The following RAD50 variants were observed in gnomAD, a reference collection of about 807,000 sequenced individuals.
The protein encoded by RAD50 is RAD50 double strand break repair protein.
Under a neutral mutation model 168.8 loss-of-function variants are expected in RAD50, and 132 were observed. The observed-to-expected ratio is 0.78, with a 90% CI of 0.68 to 0.90. The LOEUF (loss-of-function observed/expected upper bound fraction) is 0.90. RAD50 is among the 40% of genes least tolerant of loss of function. The pLI, the probability that RAD50 is intolerant of heterozygous loss-of-function variation, is 0.00. For synonymous variants in RAD50, 525 were observed against 497.4 expected (o/e 1.06, Z -0.74); for missense variants, 1,347 against 1,534.4 (o/e 0.88, Z 2.04).
intron 22 of RAD50, among the ~76,000 whole-genome samples, chr5:132,637,529 CTT>C (rs377716981): frequency 0.29 from 42,254 of 143,974 alleles, 7,100 homozygotes; most frequent in African/African-American, 0.48. Flanking sequence ...TTTTCTTTTT[CTT>C]TTTTTTTTTT....
Position 132,643,872 on chromosome 5 carries a change from A to G in RAD50, c.*1508A>G, listed in dbSNP as rs770256306. 4.3e-6 allele frequency: 1 copy of G among 231,622 alleles called. No individual in the cohort carries two copies. Among genetic ancestry groups the G allele is most frequent in the Non-Finnish European group, 8.5e-6 (1 of 117,162 alleles). The allele number at this position is 231,622 out of a possible 1,614,324, so 14.3% of individuals were successfully genotyped here. A position where few individuals can be genotyped will look rare whatever the true frequency, so the allele number is the denominator to read the frequency against. ...AAAATCTGTTGATAAATCCATCACT[A>G]TAATAAAACCGAAGGTGAAAAAAAT... On this transcript the variant is annotated 3_prime_UTR_variant, in exon 25 of 25. Transcript: ENST00000378823.
intron 24 of RAD50, among the ~76,000 whole-genome samples, 157 bp from the exon 25 acceptor site, chr5:132,642,021 C>T (rs1751732861): frequency 6.6e-6 from 1 of 152,206 alleles, no homozygotes; most frequent in Non-Finnish European, 1.5e-5. Context: ...CCTGGCTGGC[C>T]TGAAGGCCTG....
In RAD50 at chr5:132,642,102, G is replaced by A; in HGVS notation, c.3753-76G>A. 3 of 1,467,264 alleles carry A rather than the reference G, an allele frequency of 2.0e-6. No homozygotes were observed. The South Asian group carries it at 3.4e-5, about 17-fold the overall frequency. 90.9% of individuals were successfully genotyped at this position (1,467,264 alleles called of 1,614,324 possible). ...CAGCACAAGTTCATGTGTCTGACAAGGTTTGCGGTGACTTTTCAAATCAAA... is the reference window on the plus strand; with the variant it reads ...CAGCACAAGTTCATGTGTCTGACAAAGTTTGCGGTGACTTTTCAAATCAAA... On this transcript the variant is annotated intron_variant, in intron 24 of 24. Coordinates refer to ENST00000378823, the MANE Select transcript of RAD50 (RefSeq NM_005732.4).
chr5:132,586,156 T>G (rs914084269), intron 5 of RAD50, among the ~76,000 whole-genome samples: 3 of 150,662 alleles, frequency 2.0e-5, no homozygotes, highest in Non-Finnish European at 4.4e-5. Flanking sequence ...TTCAGAATCT[T>G]AATATGATAT....
Position 132,559,302 on chromosome 5 carries a change from A to C in RAD50, c.148A>C (p.Lys50Gln), listed in dbSNP as rs876658371. 8 of 1,606,520 alleles carry C rather than the reference A, an allele frequency of 5.0e-6. No homozygotes were observed. Among genetic ancestry groups the C allele is most frequent in the Non-Finnish European group, 6.8e-6 (8 of 1,176,444 alleles). ...AGKTTIIECLKYICTGDFPPG... is the reference protein window; with the variant it reads ...AGKTTIIECLQYICTGDFPPG... ...TCTTTAGACCATCATTGAATGTCTA[A>C]AATATATTTGTACTGGAGATTTCCC... Residue 50 changes from lysine to glutamine, a missense_variant, in exon 2 of 25, where the codon AAA (lysine) becomes CAA (glutamine). Physicochemically the swap from Lys to Gln is moderately conservative, Grantham distance 53. Around this residue, in one of 3 missense-constraint regions of RAD50, gnomAD observed 703 missense variants for 767.7 expected, o/e 0.92. Transcript: ENST00000378823.
At chr5:132,593,468 C>G (rs1454742387) in intron 11 of RAD50, 1 of 152,112 alleles carries the variant, frequency 6.6e-6, no homozygotes, top group African/African-American at 2.4e-5. Flanking sequence ...TAATTTAGGC[C>G]TCTTGTCCCT....
rs587781732 is a variant in RAD50 at position 132,604,967 on chromosome 5, A to G, written c.2686A>G (p.Thr896Ala). Reference protein sequence around the residue: ...QLEEQTVELSTEVQSLYREIK... With the variant: ...QLEEQTVELSAEVQSLYREIK... ...GGAGGAGCAGACTGTGGAATTATCC[A>G]CTGAAGTTCAGTCTTTGTACAGAGA... Residue 896 changes from threonine to alanine, a missense_variant, in exon 16 of 25, where the codon ACT (threonine) becomes GCT (alanine). Transcript: ENST00000378823. 4 of 1,613,726 alleles carry G rather than the reference A, an allele frequency of 2.5e-6. No individual in the cohort carries two copies. The East Asian group carries it at 6.7e-5, about 27-fold the overall frequency.
intron 5 of RAD50, among the ~76,000 whole-genome samples, chr5:132,580,303 C>CT (rs954056419): frequency 1.3e-5 from 2 of 151,908 alleles, no homozygotes; most frequent in African/African-American, 2.4e-5. Context: ...ATAGGTAGTC[C>CT]TTTTTTTGCT....
intron 3 of RAD50, 75 bp downstream of exon 3, chr5:132,576,003 A>G (rs1231641153): frequency 1.4e-6 from 2 of 1,405,080 alleles, no homozygotes; most frequent in Non-Finnish European, 1.9e-6. Context: ...GTTGTTTTCT[A>G]CTATAAGTTT....
intron 11 of RAD50, chr5:132,592,698 CT>C (rs1750725092): frequency 2.6e-6 from 1 of 388,546 alleles, no homozygotes; most frequent in South Asian, 1.9e-5. Flanking sequence ...ATCTGGTCTG[CT>C]TTTGCTTTGA....
At chr5:132,631,035 T>C (rs985190299) in intron 21 of RAD50, 1 of 152,100 alleles carries the variant, frequency 6.6e-6, no homozygotes, top group East Asian at 1.9e-4. Flanking sequence ...TTTAATGAAA[T>C]CTTTCAGACT....
intron 2 of RAD50, among the ~76,000 whole-genome samples, chr5:132,567,335 A>G (rs181722291): frequency 4.6e-5 from 7 of 152,348 alleles, no homozygotes; most frequent in Non-Finnish European, 1.0e-4. Context: ...ATGCAGGGCT[A>G]TATTCTTTGA....
At chr5:132,585,079 C>T (rs1750572527) in intron 5 of RAD50, among the ~76,000 whole-genome samples, 2 of 152,068 alleles carry the variant, frequency 1.3e-5, no homozygotes, top group African/African-American at 4.8e-5. Flanking sequence ...GCACATGTAC[C>T]CTCGAACTTA....
In RAD50 at chr5:132,642,286, C is replaced by T. The variant is rs368356436; in HGVS notation, c.3861C>T (p.Tyr1287=). Residue 1287 remains tyrosine (Y), a synonymous_variant, in exon 25 of 25, where the codon TAC becomes TAT. Transcript: ENST00000378823. ...GTTCTGAATATGTGGAGAAATTCTA[C>T]AGGATTAAAAAGAACATCGATCAGT... ...LGRSEYVEKF[Y]RIKKNIDQCS... 367 of 1,613,774 alleles carry T rather than the reference C, an allele frequency of 2.3e-4. No homozygotes were observed. Among genetic ancestry groups the T allele is most frequent in the Non-Finnish European group, 2.9e-4 (337 of 1,179,846 alleles).
At position 132,619,871 on chromosome 5, in the gene RAD50, GATATATATATAT is replaced by G. The variant is rs1265698606; in HGVS notation, c.3389+1581_3389+1592del. ...ATATATAAAGATATATATATATAAA[GATATATATATAT>G]ATAGAGAGAGAGAGAGAGAGATATA... On this transcript the variant is annotated intron_variant, in intron 21 of 24. Transcript: ENST00000378823. 1.0e-3 allele frequency among the ~76,000 whole-genome samples: 89 copies of G among 84,896 alleles called. No homozygotes were observed. In the East Asian group the frequency reaches 0.012, roughly 11 times the overall value. 55.7% of individuals were successfully genotyped at this position (84,896 alleles called of 152,430 possible). A position where few individuals can be genotyped will look rare whatever the true frequency, so the allele number is the denominator to read the frequency against.
At chr5:132,581,094 G>GTATTTATT (rs971534162) in intron 5 of RAD50, among the ~76,000 whole-genome samples, 1 of 151,870 alleles carries the variant, frequency 6.6e-6, no homozygotes, top group Admixed American at 6.6e-5. Context: ...ATACATGTTT[G>GTATTTATT]TATTTATTTA....
At chr5:132,585,649 G>T (rs1376899271) in intron 5 of RAD50, among the ~76,000 whole-genome samples, 1 of 146,468 alleles carries the variant, frequency 6.8e-6, no homozygotes. Context: ...TCTTACCCAG[G>T]CCAGAGTGCA....
At chr5:132,602,075 C>A (rs1750899033) in intron 13 of RAD50, among the ~76,000 whole-genome samples, 1 of 151,992 alleles carries the variant, frequency 6.6e-6, no homozygotes, top group Non-Finnish European at 1.5e-5. Flanking sequence ...ACGTGTATAC[C>A]TATGTAACAA....
chr5:132,581,598 C>T (rs1210624346), intron 5 of RAD50, among the ~76,000 whole-genome samples: 1 of 152,112 alleles, frequency 6.6e-6, no homozygotes, highest in Non-Finnish European at 1.5e-5. Flanking sequence ...TATGTATATA[C>T]AAACATTCAC....
Sources: allele counts gnomAD v4.1 joint callset (sites outside exome capture counted in the v4.1 genomes callset), GRCh38; gene constraint gnomAD v4.1.1; regional missense constraint gnomAD v4.1.1; transcripts MANE v1.5; gene names NCBI Gene and HGNC (gene_info 2026-07-23, HGNC 2026-07-21).